The following CFAP44 variants were observed in gnomAD, a reference collection of about 807,000 sequenced individuals.
CFAP44 encodes cilia and flagella associated protein 44, also known as cilia- and flagella-associated protein 44.
A neutral mutation model predicts 216.2 loss-of-function variants in CFAP44; 134 were observed. That is an observed-to-expected ratio of 0.62 (90% CI 0.54 to 0.72). CFAP44 has a LOEUF of 0.72. Ranked by LOEUF, CFAP44 falls within the 30% of genes least tolerant of loss-of-function variation. CFAP44 has a pLI of 0.00. For missense variants in CFAP44, 2,035 were observed against 2,182.1 expected, an observed-to-expected ratio of 0.93 and a Z score of 1.34; for synonymous variants, 700 against 727.6, an observed-to-expected ratio of 0.96 and a Z score of 0.61.
intron 33 of CFAP44, among the ~76,000 whole-genome samples, chr3:113,296,372 A>G (rs1432487190): frequency 1.3e-5 from 2 of 152,116 alleles, no homozygotes; most frequent in African/African-American, 2.4e-5. Context: ...TTCTCCAATG[A>G]TTAGTGATGC....
chr3:113,295,484 T>A (rs1474527390), intron 33 of CFAP44, among the ~76,000 whole-genome samples: 2 of 152,250 alleles, frequency 1.3e-5, no homozygotes, highest in African/African-American at 4.8e-5. Flanking sequence ...CCCACTGACA[T>A]GAACACTATT....
intron 22 of CFAP44, among the ~76,000 whole-genome samples, chr3:113,356,315 T>C (rs1388778583): frequency 6.6e-6 from 1 of 152,022 alleles, no homozygotes; most frequent in African/African-American, 2.4e-5. Flanking sequence ...TTAATGACTA[T>C]TATTTCTATA....
At position 113,399,974 on chromosome 3, in the gene CFAP44, T is replaced by C. The variant is rs2107358961; in HGVS notation, c.1501A>G (p.Ser501Gly). The C allele has an allele frequency of 6.2e-7, 1 of 1,601,964 alleles. No individual in the cohort carries two copies. Among genetic ancestry groups the C allele is most frequent in the South Asian group, 1.1e-5 (1 of 87,940 alleles). Reference sequence around the variant, plus strand: ...TTCATCTGGGCCAAAGGAGTTTTGCTAGCAAAATCATAGATTCGAACAGAG... The same window carrying C: ...TTCATCTGGGCCAAAGGAGTTTTGCCAGCAAAATCATAGATTCGAACAGAG... ...DCSVRIYDFA[S>G]KTPLAQMKFK... Residue 501 changes from serine (S) to glycine (G), a missense_variant, in exon 13 of 35, where the codon AGC (serine) becomes GGC (glycine). Physicochemically the swap from Ser to Gly is moderately conservative, Grantham distance 56. Around this residue, in one of 3 missense-constraint regions of CFAP44, gnomAD observed 1,883 missense variants for 2,023.7 expected, o/e 0.93. Coordinates refer to ENST00000393845, the MANE Select transcript of CFAP44 (RefSeq NM_001164496.2).
intron 24 of CFAP44, among the ~76,000 whole-genome samples, chr3:113,336,251 A>G (rs1950280970): frequency 6.6e-6 from 1 of 152,100 alleles, no homozygotes; most frequent in South Asian, 2.1e-4. Flanking sequence ...AGCAGACCAA[A>G]CAATATTTTA....
At chr3:113,313,855 C>A (rs1437776562) in intron 28 of CFAP44, among the ~76,000 whole-genome samples, 1 of 152,154 alleles carries the variant, frequency 6.6e-6, no homozygotes, top group Non-Finnish European at 1.5e-5. Context: ...ACCTCTTTTT[C>A]TTCCCAGTCT....
chr3:113,410,473 T>G (rs181136739), intron 6 of CFAP44, among the ~76,000 whole-genome samples: 1 of 152,246 alleles, frequency 6.6e-6, no homozygotes, highest in Non-Finnish European at 1.5e-5. Context: ...GCAAAGGACA[T>G]GAACTCATCC....
intron 32 of CFAP44, among the ~76,000 whole-genome samples, chr3:113,297,599 C>T: frequency 6.6e-6 from 1 of 152,204 alleles, no homozygotes; most frequent in Non-Finnish European, 1.5e-5. Flanking sequence ...TCCATGGAGG[C>T]TTTCCCTGCC....
At chr3:113,421,479 C>G (rs1369458532) in intron 4 of CFAP44, among the ~76,000 whole-genome samples, 2 of 152,148 alleles carry the variant, frequency 1.3e-5, no homozygotes, top group African/African-American at 4.8e-5. Flanking sequence ...ACCTAGTAAT[C>G]CAATTACTGG....
At position 113,373,464 on chromosome 3, in the gene CFAP44, A is replaced by G; in HGVS notation, c.2391T>C (p.Asp797=). The change falls in exon 18 of 35, where the codon GAT becomes GAC. Residue 797 remains aspartate (D), a synonymous_variant. Transcript: ENST00000393845. The stretch of plus-strand genomic sequence containing the variant: ...CCTCTGTATCCGCAAGATAACGGAC[A>G]TCAATAGGTTCATCTTTTTGTTCTT... ...DFKEQKDEPI[D]VRYLADTEDN... 2 of 1,609,944 alleles carry G rather than the reference A, an allele frequency of 1.2e-6. No individual in the cohort carries two copies. The highest frequency in any genetic ancestry group is 1.7e-6 in the Non-Finnish European group (2 of 1,177,758).
At chr3:113,378,358 G>A (rs532372455) in intron 17 of CFAP44, among the ~76,000 whole-genome samples, 10 of 152,222 alleles carry the variant, frequency 6.6e-5, no homozygotes, top group African/African-American at 1.4e-4. Context: ...AAAGGGTAGA[G>A]GAACTAATAA....
chr3:113,431,809 A>T (rs1395471361), intron 2 of CFAP44, among the ~76,000 whole-genome samples: 1 of 152,218 alleles, frequency 6.6e-6, no homozygotes, highest in Non-Finnish European at 1.5e-5. Flanking sequence ...GAACAGTCAA[A>T]ATTAAATTTC....
intron 2 of CFAP44, chr3:113,429,095 T>A (rs543114891): frequency 1.3e-5 from 2 of 152,098 alleles, no homozygotes; most frequent in South Asian, 4.1e-4. Context: ...TTATAAGAAC[T>A]AAATTATAAT....
chr3:113,409,824 GA>G (rs750997922), intron 6 of CFAP44, among the ~76,000 whole-genome samples: 3 of 152,240 alleles, frequency 2.0e-5, no homozygotes, highest in Non-Finnish European at 4.4e-5. Flanking sequence ...AGATGGTGAT[GA>G]AAGCGACCTC....
chr3:113,310,352 T>C (rs747873222), intron 28 of CFAP44, among the ~76,000 whole-genome samples: 11 of 152,312 alleles, frequency 7.2e-5, no homozygotes, highest in Admixed American at 2.0e-4. Context: ...TCACAGAAAC[T>C]ACATGTGGAG....
intron 22 of CFAP44, among the ~76,000 whole-genome samples, chr3:113,350,912 G>A (rs1159190184): frequency 6.6e-6 from 1 of 152,216 alleles, no homozygotes; most frequent in African/African-American, 2.4e-5. Context: ...GGGGATCTAG[G>A]TCTTGATTGG....
intron 7 of CFAP44, among the ~76,000 whole-genome samples, chr3:113,407,688 A>G (rs1934325453): frequency 6.6e-6 from 1 of 152,228 alleles, no homozygotes; most frequent in African/African-American, 2.4e-5. Context: ...AAATGTTATT[A>G]CTAACATTTT....
chr3:113,420,260 A>G (rs1934777946), intron 4 of CFAP44, 81 bp from the exon 5 acceptor site: 4 of 1,374,902 alleles, frequency 2.9e-6, no homozygotes, highest in Non-Finnish European at 3.8e-6. Context: ...AAATTTTTAA[A>G]TCTATACTCT....
At chr3:113,404,879 C>G (rs1179898725) in intron 8 of CFAP44, among the ~76,000 whole-genome samples, 1 of 152,158 alleles carries the variant, frequency 6.6e-6, no homozygotes, top group East Asian at 1.9e-4. Flanking sequence ...CTCAAAACCT[C>G]CTATTCTGAC....
chr3:113,354,324 T>C (rs756867407), intron 22 of CFAP44, among the ~76,000 whole-genome samples: 1 of 152,212 alleles, frequency 6.6e-6, no homozygotes, highest in Non-Finnish European at 1.5e-5. Flanking sequence ...GGATCACCCA[T>C]GCAGGTTCCC....
Sources: allele counts gnomAD v4.1 joint callset (sites outside exome capture counted in the v4.1 genomes callset), GRCh38; gene constraint gnomAD v4.1.1; regional missense constraint gnomAD v4.1.1; transcripts MANE v1.5; gene names NCBI Gene and HGNC (gene_info 2026-07-23, HGNC 2026-07-21).